Variants in TUSC3 observed in about 807,000 individuals in gnomAD.
TUSC3 encodes the protein dolichyl-diphosphooligosaccharide--protein glycosyltransferase subunit TUSC3.
In TUSC3, 45 loss-of-function variants were observed where a neutral mutation model predicts 44.8. The ratio of observed to expected loss-of-function variants is 1.00; its 90% CI spans 0.79 to 1.29. The LOEUF (loss-of-function observed/expected upper bound fraction) is 1.29. TUSC3 is among the 50% of genes most tolerant of loss of function. TUSC3 has a pLI of 0.00. For missense variants in TUSC3, 519 were observed against 437.9 expected (o/e 1.19, Z -1.65); for synonymous variants, 212 against 152.9 (o/e 1.39, Z -2.85).
chr8:15,428,202 G>C (rs1457857190), intron 1 of TUSC3, among the ~76,000 whole-genome samples: 3 of 140,436 alleles, frequency 2.1e-5, no homozygotes, highest in African/African-American at 8.1e-5. Flanking sequence ...TCCCACCTAT[G>C]AGTGAGAACA....
rs558556239 is a variant in TUSC3, at chr8:15,481,472, C to T, written n.92-1914C>T. On this transcript the variant is annotated intron_variant and non_coding_transcript_variant, in intron 1 of 5. Coordinates refer to the TUSC3 transcript ENST00000503191. ...TCACAAGAAGGCCCTCACCAAATGC[C>T]AGTTCCTCAATCTTGCACCTCTCAG... Among the ~76,000 whole-genome samples, 3 of 152,122 alleles carry T rather than the reference C, an allele frequency of 2.0e-5. No homozygotes were observed. The East Asian group carries it at 5.8e-4, about 30-fold the overall frequency.
chr8:15,645,050 A>T (rs1806562510), intron 2 of TUSC3, among the ~76,000 whole-genome samples: 1 of 152,160 alleles, frequency 6.6e-6, no homozygotes, highest in South Asian at 2.1e-4. Context: ...ATAATATTTT[A>T]ATAGTCTCAT....
chr8:15,674,307 C>A (rs1808086693), intron 6 of TUSC3, among the ~76,000 whole-genome samples: 3 of 151,968 alleles, frequency 2.0e-5, no homozygotes, highest in Admixed American at 1.3e-4. Context: ...TATGTTGTTA[C>A]ATTAGTAGCA....
intron 2 of TUSC3, among the ~76,000 whole-genome samples, chr8:15,626,469 CT>C (rs1563141080): frequency 1.3e-5 from 2 of 152,224 alleles, no homozygotes; most frequent in East Asian, 1.9e-4. Context: ...TGGTTGTAGC[CT>C]TCCAAGTCAT....
intron 2 of TUSC3, among the ~76,000 whole-genome samples, chr8:15,643,026 A>G (rs536097692): frequency 2.1e-4 from 32 of 152,148 alleles, no homozygotes; most frequent in African/African-American, 6.7e-4. Context: ...CATAATCCCT[A>G]TGTGTTTTGG....
intron 2 of TUSC3, among the ~76,000 whole-genome samples, chr8:15,637,114 T>G (rs1806113574): frequency 6.6e-6 from 1 of 152,234 alleles, no homozygotes; most frequent in Non-Finnish European, 1.5e-5. Flanking sequence ...GACTTTATTT[T>G]TAGAAATGTT....
At chr8:15,486,459 T>G (rs1231122681) in intron 2 of TUSC3, among the ~76,000 whole-genome samples, 1 of 152,140 alleles carries the variant, frequency 6.6e-6, no homozygotes, top group African/African-American at 2.4e-5. Flanking sequence ...AATTTTCTTC[T>G]TTTTCCATGG....
intron 2 of TUSC3, among the ~76,000 whole-genome samples, chr8:15,523,692 G>A (rs111246942): frequency 0.16 from 7,486 of 45,844 alleles, 634 homozygotes; most frequent in Middle Eastern, 0.22. Flanking sequence ...GTGTGTGTGT[G>A]TGTGTGTGTG....
chr8:15,631,353 A>C (rs1805755671), intron 2 of TUSC3, among the ~76,000 whole-genome samples: 1 of 152,156 alleles, frequency 6.6e-6, no homozygotes, highest in Non-Finnish European at 1.5e-5. Flanking sequence ...GCAAACGTTC[A>C]TTATATATGT....
chr8:15,849,075 A>G, the TUSC3 span, among the ~76,000 whole-genome samples: 1 of 152,212 alleles, frequency 6.6e-6, no homozygotes, highest in African/African-American at 2.4e-5. Flanking sequence ...AAAATGACTA[A>G]GAACTTTTCA....
At position 15,540,449 on chromosome 8, in the gene TUSC3, C is replaced by G. The variant is rs201741917; in HGVS notation, c.19C>G (p.Pro7Ala). The change falls in exon 1 of 11, where the codon CCT (proline) becomes GCT (alanine). Residue 7 changes from proline to alanine, a missense_variant. By Grantham distance (27) the Pro-to-Ala change is conservative (BLOSUM62 -1). Transcript: ENST00000503731. Reference sequence around the variant, plus strand: ...TGCCGCGATGGGGGCCCGGGGCGCTCCTTCACGCCGTAGGCAAGCGGGGCG... The same window carrying G: ...TGCCGCGATGGGGGCCCGGGGCGCTGCTTCACGCCGTAGGCAAGCGGGGCG... Reference protein sequence around the residue: MGARGAPSRRRQAGRRL... With the variant: MGARGAASRRRQAGRRL... 9 of 1,601,690 alleles carry G rather than the reference C, an allele frequency of 5.6e-6. No individual in the cohort carries two copies. Among genetic ancestry groups the G allele is most frequent in the Non-Finnish European group, 7.7e-6 (9 of 1,175,210 alleles).
At chr8:15,658,805 C>G (rs762813444) in intron 3 of TUSC3, among the ~76,000 whole-genome samples, 21 of 151,698 alleles carry the variant, frequency 1.4e-4, no homozygotes, top group Admixed American at 1.4e-3. Context: ...ACCGTTTATA[C>G]GAGGGTAGTG....
At chr8:15,461,745 GAAAA>G (rs1049517058) in intron 1 of TUSC3, among the ~76,000 whole-genome samples, 1 of 130,968 alleles carries the variant, frequency 7.6e-6, no homozygotes, top group African/African-American at 2.8e-5. Flanking sequence ...AATCATAAAG[GAAAA>G]AAAAAGAAAA....
At chr8:15,651,652 A>G (rs552005247) in intron 3 of TUSC3, among the ~76,000 whole-genome samples, 5 of 152,164 alleles carry the variant, frequency 3.3e-5, no homozygotes, top group Non-Finnish European at 7.3e-5. Flanking sequence ...CTCACCCGAA[A>G]CCAACTCTGC....
chr8:15,539,972 T>C (rs1312781399), upstream of TUSC3, among the ~76,000 whole-genome samples: 1 of 152,160 alleles, frequency 6.6e-6, no homozygotes, highest in Admixed American at 6.5e-5. Flanking sequence ...GGCCAGGTTG[T>C]CATTCCCCAA....
At chr8:15,484,139 C>A (rs1006160567) in intron 2 of TUSC3, among the ~76,000 whole-genome samples, 1 of 152,116 alleles carries the variant, frequency 6.6e-6, no homozygotes, top group South Asian at 2.1e-4. Context: ...TTTTCTAAAT[C>A]CTTCTCATGA....
chr8:15,829,629 ATCTTT>A, the TUSC3 span, among the ~76,000 whole-genome samples: 20 of 152,094 alleles, frequency 1.3e-4, no homozygotes, highest in East Asian at 1.2e-3. Flanking sequence ...TAGTTTATCA[ATCTTT>A]TCTTTTATAC....
intron 1 of TUSC3, among the ~76,000 whole-genome samples, chr8:15,450,102 T>C (rs899820080): frequency 3.9e-5 from 6 of 152,194 alleles, no homozygotes; most frequent in Non-Finnish European, 8.8e-5. Context: ...GAGTGACACA[T>C]GACGACTGTA....
intron 1 of TUSC3, among the ~76,000 whole-genome samples, chr8:15,469,805 C>A (rs929523356): frequency 1.3e-5 from 2 of 152,066 alleles, no homozygotes; most frequent in African/African-American, 4.8e-5. Flanking sequence ...GAATATTTCA[C>A]AGTGTTAAAA....
Sources: allele counts gnomAD v4.1 joint callset (sites outside exome capture counted in the v4.1 genomes callset), GRCh38; gene constraint gnomAD v4.1.1; transcripts MANE v1.5; gene names NCBI Gene and HGNC (gene_info 2026-07-23, HGNC 2026-07-21).